Variants in LRRC37A2 observed in about 807,000 individuals in gnomAD.
LRRC37A2 encodes leucine rich repeat containing 37 member A2.
A neutral mutation model predicts 68.8 loss-of-function variants in LRRC37A2; 9 were observed. The observed-to-expected ratio is 0.13, with a 90% CI of 0.08 to 0.23. The LOEUF is 0.23. Among genes scored for constraint, LRRC37A2 ranks in the 10% least tolerant of loss-of-function variants. The probability of loss-of-function intolerance (pLI) is 1.00; values close to 1 mark genes in which losing one functional copy is unlikely to be tolerated. For synonymous variants in LRRC37A2, 63 were observed against 367.6 expected (o/e 0.17, Z 9.48); for missense variants, 168 against 950.4 (o/e 0.18, Z 10.82).
chr17:46,657,495 A>G, the LRRC37A2 span, among the ~76,000 whole-genome samples: 1 of 146,536 alleles, frequency 6.8e-6, no homozygotes, highest in Non-Finnish European at 1.5e-5. Context: ...GACTAGAAAT[A>G]GAAACTTTTT....
the LRRC37A2 span, among the ~76,000 whole-genome samples, chr17:46,991,433 C>A: frequency 6.6e-6 from 1 of 151,956 alleles, no homozygotes; most frequent in Admixed American, 6.6e-5. Flanking sequence ...TCGAGACCAG[C>A]CTGGCCAACA....
At chr17:46,946,332 A>C in the LRRC37A2 span, among the ~76,000 whole-genome samples, 4 of 151,184 alleles carry the variant, frequency 2.6e-5, no homozygotes, top group Admixed American at 2.6e-4. Flanking sequence ...GTGGTGGCGC[A>C]TGCCTGTAAT....
chr17:46,832,785 G>A, the LRRC37A2 span: 1 of 153,036 alleles, frequency 6.5e-6, no homozygotes, highest in South Asian at 2.1e-4. Context: ...CCAGGAAGCT[G>A]GCAGGGGCTG....
chr17:46,516,298 A>G, intron 2 of LRRC37A2, among the ~76,000 whole-genome samples: 1 of 77,698 alleles, frequency 1.3e-5, no homozygotes, highest in African/African-American at 3.9e-5. Flanking sequence ...GCAAGACTCC[A>G]TCTCAAAAAA....
chr17:46,937,670 T>A, the LRRC37A2 span: 1 of 152,230 alleles, frequency 6.6e-6, no homozygotes, highest in Non-Finnish European at 1.5e-5. Context: ...GAACTTCATA[T>A]AAAGGTATTC....
At chr17:46,404,349 G>T in the LRRC37A2 span, among the ~76,000 whole-genome samples, 4 of 110,220 alleles carry the variant, frequency 3.6e-5, no homozygotes, top group Non-Finnish European at 6.2e-5. Flanking sequence ...TTTCAGCTAT[G>T]GTCCTTGGCT....
At chr17:46,763,831 C>CAAAAAAAAAAAAAAA in the LRRC37A2 span, 1 of 123,712 alleles carries the variant, frequency 8.1e-6, no homozygotes, top group African/African-American at 3.2e-5. Flanking sequence ...CCACTACCAC[C>CAAAAAAAAAAAAAAA]AAAAAAAAAA....
At chr17:46,490,508 A>C in the LRRC37A2 span, among the ~76,000 whole-genome samples, 2 of 150,922 alleles carry the variant, frequency 1.3e-5, 1 homozygote, top group African/African-American at 5.0e-5. Context: ...GGATTGCCTG[A>C]GCTCGAGAGT....
chr17:46,973,572 T>G, the LRRC37A2 span, among the ~76,000 whole-genome samples: 1 of 152,070 alleles, frequency 6.6e-6, no homozygotes, highest in African/African-American at 2.4e-5. Context: ...GTCTAAGTAA[T>G]AGAACTATGA....
chr17:46,382,069 G>A, the LRRC37A2 span, among the ~76,000 whole-genome samples: 13 of 139,756 alleles, frequency 9.3e-5, no homozygotes, highest in Admixed American at 5.1e-4. Context: ...ACCTGAGGTC[G>A]GGAGTTCGAG....
chr17:46,727,885 C>T, the LRRC37A2 span, among the ~76,000 whole-genome samples: 15 of 152,226 alleles, frequency 9.9e-5, no homozygotes, highest in Non-Finnish European at 2.1e-4. Context: ...AGCCCTTCCT[C>T]CTCTGGTAGA....
the LRRC37A2 span, among the ~76,000 whole-genome samples, chr17:46,823,194 ATATT>A: frequency 4.2e-3 from 534 of 127,946 alleles, 41 homozygotes; most frequent in African/African-American, 0.016. Context: ...TATATTATAT[ATATT>A]TATATATAAT....
chr17:46,983,375 C>T, the LRRC37A2 span, among the ~76,000 whole-genome samples: 1 of 146,978 alleles, frequency 6.8e-6, no homozygotes, highest in Non-Finnish European at 1.5e-5. Flanking sequence ...CTGCTCACTT[C>T]AGCCTCCAGC....
At chr17:46,929,408 G>T in the LRRC37A2 span, 1 of 727,512 alleles carries the variant, frequency 1.4e-6, no homozygotes. Flanking sequence ...ACAGTTCAGT[G>T]ATGCTGTCGA....
At chr17:47,013,618 C>A in the LRRC37A2 span, among the ~76,000 whole-genome samples, 1 of 152,208 alleles carries the variant, frequency 6.6e-6, no homozygotes, top group Non-Finnish European at 1.5e-5. Flanking sequence ...TTAATCATCA[C>A]ATCTTATTTT....
chr17:46,975,216 C>T, the LRRC37A2 span: 1 of 152,128 alleles, frequency 6.6e-6, no homozygotes. Flanking sequence ...AACCGAGGCA[C>T]AGAGAGGTTG....
At chr17:46,950,379 G>A in the LRRC37A2 span, among the ~76,000 whole-genome samples, 2 of 152,218 alleles carry the variant, frequency 1.3e-5, no homozygotes, top group Non-Finnish European at 2.9e-5. Flanking sequence ...TGGAGAGAAG[G>A]GGAGGGAAAA....
At chr17:46,712,312 C>T in the LRRC37A2 span, among the ~76,000 whole-genome samples, 3 of 152,182 alleles carry the variant, frequency 2.0e-5, no homozygotes, top group Admixed American at 6.5e-5. Context: ...GCACTGTGCA[C>T]ATATTATCTA....
At chr17:47,002,718 T>C in the LRRC37A2 span, among the ~76,000 whole-genome samples, 1 of 152,156 alleles carries the variant, frequency 6.6e-6, no homozygotes, top group Non-Finnish European at 1.5e-5. Context: ...TACAATTAAA[T>C]TATTATTGAT....
Sources: gnomAD v4.1 joint callset for allele counts (sites outside exome capture counted in the v4.1 genomes callset) on GRCh38, gnomAD v4.1.1 for gene constraint, MANE v1.5 for transcripts, NCBI Gene and HGNC (gene_info 2026-07-23, HGNC 2026-07-21) for gene names.